XPO6: variants seen among roughly 807,000 people sequenced by gnomAD.
The protein encoded by XPO6 is exportin 6.
Under a neutral mutation model 130.0 loss-of-function variants are expected in XPO6, and 3 were observed. That is an observed-to-expected ratio of 0.02 (90% confidence interval 0.01 to 0.06). The LOEUF (loss-of-function observed/expected upper bound fraction) is 0.06. Ranked by LOEUF, XPO6 falls within the 10% of genes least tolerant of loss-of-function variation. The pLI, the probability that XPO6 is intolerant of heterozygous loss-of-function variation, is 1.00. For missense variants in XPO6, 970 were observed against 1,393.0 expected (o/e 0.70, Z 4.83); for synonymous variants, 524 against 548.9 (o/e 0.95, Z 0.63).
In XPO6 at chr16:28,135,558, T is replaced by C. The variant is rs377114460; in HGVS notation, c.1335-234A>G. ...ATGTATCTTCCTGACAGACTGTTTA[T>C]ATAACAGCCTTTTTTGTCTCTGGCA... is the stretch of plus-strand genomic sequence containing the variant. On this transcript the variant is annotated intron_variant, in intron 9 of 23. Coordinates refer to ENST00000304658, the MANE Select transcript of XPO6 (RefSeq NM_015171.4). Among the ~76,000 whole-genome samples the C allele has an allele frequency of 3.3e-5, 5 of 152,242 alleles. No homozygotes were observed. The East Asian group carries it at 9.6e-4, about 29-fold the overall frequency.
At chr16:28,114,548 A>G (rs565790718) in intron 15 of XPO6, among the ~76,000 whole-genome samples, 1 of 152,342 alleles carries the variant, frequency 6.6e-6, no homozygotes, top group South Asian at 2.1e-4. Context: ...ATCTTAGTTA[A>G]AAAGTAGTTT....
At chr16:28,155,014 C>G (rs1236835290) in intron 7 of XPO6, among the ~76,000 whole-genome samples, 2 of 152,194 alleles carry the variant, frequency 1.3e-5, no homozygotes, top group Non-Finnish European at 2.9e-5. Flanking sequence ...GAGCAAACAT[C>G]ACGGTTTTAC....
chr16:28,203,987 T>C (rs2043988737), intron 1 of XPO6, among the ~76,000 whole-genome samples: 1 of 152,172 alleles, frequency 6.6e-6, no homozygotes, highest in African/African-American at 2.4e-5. Flanking sequence ...CTTGATAGCC[T>C]TCTCTCCAAC....
At position 28,104,464 on chromosome 16, in the gene XPO6, A is replaced by T. The variant is rs1029667439; in HGVS notation, c.2946+82T>A. The T allele has an allele frequency of 4.6e-6, 7 of 1,535,688 alleles. No homozygotes were observed. The Admixed American group carries it at 1.1e-4, about 24-fold the overall frequency. On this transcript the variant is annotated intron_variant, in intron 21 of 23. Transcript: ENST00000304658. ...GGCAGAACTGAGCTTCAGACCCGAG[A>T]CTGTGGGGCTTCGAAGACAGGACTC... is the stretch of plus-strand genomic sequence containing the variant.
At chr16:28,186,376 T>TTTTTC in intron 1 of XPO6, among the ~76,000 whole-genome samples, 1 of 133,236 alleles carries the variant, frequency 7.5e-6, no homozygotes, top group Non-Finnish European at 1.6e-5. Flanking sequence ...CAGTTATTCT[T>TTTTTC]TTTTTTTTTT....
At position 28,125,751 on chromosome 16, in the gene XPO6, G is replaced by C. The variant is rs771815374; in HGVS notation, c.1704C>G (p.Ala568=). 5 of 1,614,158 alleles carry C rather than the reference G, an allele frequency of 3.1e-6. No homozygotes were observed. In the South Asian group the frequency reaches 4.4e-5, roughly 14 times the overall value. Residue 568 remains alanine (A), a synonymous_variant, in exon 13 of 24, where the codon GCC becomes GCG. Transcript: ENST00000304658. ...CAAACACATCCCCGATAAAGTACTCGGCCAGGCGGCCCACGGCCTGCAGCA... is the reference window on the plus strand; with the variant it reads ...CAAACACATCCCCGATAAAGTACTCCGCCAGGCGGCCCACGGCCTGCAGCA... ...SSLLQAVGRL[A]EYFIGDVFAA...
At chr16:28,194,655 C>A (rs2043831490) in intron 1 of XPO6, among the ~76,000 whole-genome samples, 1 of 152,100 alleles carries the variant, frequency 6.6e-6, no homozygotes, top group African/African-American at 2.4e-5. Flanking sequence ...CCCTTCCCAG[C>A]TTTGTGATTC....
intron 1 of XPO6, among the ~76,000 whole-genome samples, chr16:28,208,387 G>A (rs2044067444): frequency 6.6e-6 from 1 of 152,238 alleles, no homozygotes; most frequent in African/African-American, 2.4e-5. Flanking sequence ...GGATCCCAGG[G>A]AAAAGACCCT....
In XPO6 at chr16:28,106,788, C is replaced by G. The variant is rs2086792701; in HGVS notation, c.2498-291G>C. Among the ~76,000 whole-genome samples, 1 of 152,188 alleles carries G rather than the reference C, an allele frequency of 6.6e-6. No individual in the cohort carries two copies. Among genetic ancestry groups the G allele is most frequent in the Non-Finnish European group, 1.5e-5 (1 of 68,034 alleles). ...CGACATCCAGTGATGGTCAGAGTTT[C>G]ACTGGAGAGGGATCACTTTGTGCCC... On this transcript the variant is annotated intron_variant, in intron 18 of 23. Coordinates refer to ENST00000304658, the MANE Select transcript of XPO6 (RefSeq NM_015171.4). The surrounding 1 kb of genome is among the most constrained non-coding windows in gnomAD (Gnocchi z 4.2).
intron 4 of XPO6, 63 bp from the exon 5 acceptor site, chr16:28,169,972 T>G: frequency 6.3e-7 from 1 of 1,584,286 alleles, no homozygotes; most frequent in Non-Finnish European, 8.6e-7. Flanking sequence ...GAGGACTCAG[T>G]AGCATTAAAG....
intron 8 of XPO6, among the ~76,000 whole-genome samples, chr16:28,149,067 A>AT (rs1240380844): frequency 6.6e-6 from 1 of 150,488 alleles, no homozygotes; most frequent in Non-Finnish European, 1.5e-5. Flanking sequence ...ATAAAAAAAA[A>AT]AAAAAACAAA....
At chr16:28,193,231 A>T (rs1307862568) in intron 1 of XPO6, among the ~76,000 whole-genome samples, 1 of 152,176 alleles carries the variant, frequency 6.6e-6, no homozygotes, top group Non-Finnish European at 1.5e-5. Flanking sequence ...AAGGGTCCTT[A>T]AGTATCCCTG....
At chr16:28,133,995 C>A in intron 10 of XPO6, 62 bp from the exon 11 acceptor site, 4 of 1,515,536 alleles carry the variant, frequency 2.6e-6, no homozygotes, top group Non-Finnish European at 3.6e-6. Flanking sequence ...TTGCCAACCT[C>A]AAGACCACTC....
Position 28,106,006 on chromosome 16 carries a change from TG to T in XPO6, c.2784+36del. 21 of 1,588,100 alleles carry T rather than the reference TG, an allele frequency of 1.3e-5. No individual in the cohort carries two copies. The highest frequency in any genetic ancestry group is 1.7e-4 in the Middle Eastern group (1 of 5,954). ...TCTCATTCCCTTCCCAATCTGGAGA[TG>T]GGGGGTGCTGCACAGGGGACCGTCT... On this transcript the variant is annotated intron_variant, in intron 20 of 23. Transcript: ENST00000304658. This position sits in a 1 kb window ranked among gnomAD's most constrained non-coding sequence, Gnocchi z 4.2.
chr16:28,099,994 A>ATT (rs556338887), intron 23 of XPO6, among the ~76,000 whole-genome samples: 7 of 148,790 alleles, frequency 4.7e-5, no homozygotes, highest in South Asian at 2.1e-4. Context: ...ATATAACTAG[A>ATT]TTTTTTTTTT....
intron 1 of XPO6, among the ~76,000 whole-genome samples, chr16:28,208,013 G>GGGTGTAAT (rs2044060916): frequency 5.8e-5 from 5 of 85,478 alleles, no homozygotes; most frequent in African/African-American, 1.9e-4. Flanking sequence ...AAAACTAGCT[G>GGGTGTAAT]GGCGTGCCTG....
chr16:28,109,641 A>C (rs951312907), intron 17 of XPO6, among the ~76,000 whole-genome samples: 3 of 152,224 alleles, frequency 2.0e-5, no homozygotes, highest in African/African-American at 7.2e-5. Context: ...TGGACGCTTC[A>C]AAAATGCCAA....
intron 11 of XPO6, 87 bp downstream of exon 11, chr16:28,133,750 GGAGA>G (rs367752107): frequency 5.4e-6 from 6 of 1,117,744 alleles, no homozygotes; most frequent in African/African-American, 3.1e-5. Flanking sequence ...GGGAAAGAGG[GGAGA>G]GAGAGAGAGA....
chr16:28,191,290 A>G (rs2043783600), intron 1 of XPO6, among the ~76,000 whole-genome samples: 1 of 152,248 alleles, frequency 6.6e-6, no homozygotes, highest in Non-Finnish European at 1.5e-5. Flanking sequence ...TTAATTAAAC[A>G]GCCAAAAAAA....
Sources: allele counts gnomAD v4.1 joint callset (sites outside exome capture counted in the v4.1 genomes callset), GRCh38; gene constraint gnomAD v4.1.1; non-coding constraint Gnocchi (gnomAD v3.1); transcripts MANE v1.5; gene names NCBI Gene and HGNC (gene_info 2026-07-23, HGNC 2026-07-21).